P2RX6: variants seen among roughly 807,000 people sequenced by gnomAD.
P2RX6 encodes P2X purinoceptor 6.
A neutral mutation model predicts 54.2 loss-of-function variants in P2RX6; 62 were observed. That is an observed-to-expected ratio of 1.14 (90% CI 0.93 to 1.41). The LOEUF (loss-of-function observed/expected upper bound fraction) is 1.41, where lower values mean the gene tolerates loss of function less well. Among genes scored for constraint, P2RX6 ranks in the 40% most tolerant of loss-of-function variants. P2RX6 has a pLI of 0.00. For synonymous variants in P2RX6, 211 were observed against 231.9 expected (o/e 0.91, Z 0.82); for missense variants, 541 against 566.3 (o/e 0.96, Z 0.45).
chr22:21,022,707 T>C lies in P2RX6; in HGVS notation c.419T>C (p.Val140Ala). 2 of 1,576,460 alleles carry C rather than the reference T, an allele frequency of 1.3e-6. No homozygotes were observed. Among genetic ancestry groups the C allele is most frequent in the Non-Finnish European group, 8.6e-7 (1 of 1,162,522 alleles). Residue 140 changes from valine to alanine, a missense_variant, in exon 4 of 12, where the codon GTC becomes GCC. Physicochemically the swap from Val to Ala is moderately conservative, Grantham distance 64. Transcript: ENST00000413302. ...HPSVPLANCWVDEDCPEGEGG... is the reference protein window; with the variant it reads ...HPSVPLANCWADEDCPEGEGG... ...TCCGTCCCACTGGCTAACTGCTGGG[T>C]CGACGAGGACTGCCCCGAAGGGGAG... is the stretch of plus-strand genomic sequence containing the variant.
chr22:21,020,885 C>A (rs1352341872), intron 3 of P2RX6, among the ~76,000 whole-genome samples: 2 of 151,618 alleles, frequency 1.3e-5, no homozygotes, highest in Non-Finnish European at 1.5e-5. Flanking sequence ...CCAGGCCAAG[C>A]AGAATCTTAA....
At position 21,026,688 on chromosome 22, in the gene P2RX6, C is replaced by G; in HGVS notation, c.*71C>G. 6.6e-7 allele frequency: 1 copy of G among 1,511,602 alleles called. No individual in the cohort carries two copies. The highest frequency in any genetic ancestry group is 8.9e-7 in the Non-Finnish European group (1 of 1,125,414). The allele number at this position is 1,511,602 out of a possible 1,614,324, so 93.6% of individuals were successfully genotyped here. On this transcript the variant is annotated 3_prime_UTR_variant, in exon 12 of 12. Coordinates refer to ENST00000413302, the MANE Select transcript of P2RX6 (RefSeq NM_005446.5). The surrounding 1 kb of genome is among the most constrained non-coding windows in gnomAD (Gnocchi z 4.0). ...CTGCCTGGGGATCTCAAGGATGAGG[C>G]CCCAGCATGGAGGATTGGGGGTAGA...
intron 5 of P2RX6, 39 bp from the exon 6 acceptor site, chr22:21,023,079 C>G (rs750155208): frequency 3.1e-6 from 5 of 1,612,406 alleles, no homozygotes; most frequent in Non-Finnish European, 4.2e-6. Flanking sequence ...CGCAGGGCCC[C>G]AGGCCTGGCA....
chr22:21,017,721 C>T (rs1926636860), intron 2 of P2RX6, among the ~76,000 whole-genome samples: 1 of 152,098 alleles, frequency 6.6e-6, no homozygotes, highest in Middle Eastern at 3.4e-3. Context: ...TCTCTAAATA[C>T]ACACATACAC....
At chr22:21,011,613 A>G (rs442056), upstream of P2RX6, 11 of 712,238 alleles carry the variant, frequency 1.5e-5, no homozygotes, top group Admixed American at 1.0e-4. Flanking sequence ...GCCACTCCTC[A>G]GCCAGTGGGA....
At position 21,016,091 on chromosome 22, in the gene P2RX6, A is replaced by T. The variant is rs146908572; in HGVS notation, c.314A>T (p.Gln105Leu). 1.1e-4 allele frequency: 172 copies of T among 1,561,454 alleles called. No homozygotes were observed. The highest frequency in any genetic ancestry group is 2.3e-4 in the Middle Eastern group (1 of 4,380). The part of the protein sequence containing the change: ...WDVADFVKPP[Q>L]GENVFFLVTN... Reference sequence around the variant, plus strand: ...GTGGCCGACTTCGTGAAGCCACCTCAGGTGGGGGCCCTGATGTTGCTGACG... The same window carrying T: ...GTGGCCGACTTCGTGAAGCCACCTCTGGTGGGGGCCCTGATGTTGCTGACG... The change falls in exon 2 of 12, where the codon CAG becomes CTG. Residue 105 changes from glutamine to leucine, a missense_variant and splice_region_variant. By Grantham distance (113) the Gln-to-Leu change is moderately radical. Coordinates refer to ENST00000413302, the MANE Select transcript of P2RX6 (RefSeq NM_005446.5).
rs774105888 is a variant in P2RX6 at position 21,026,113 on chromosome 22, T to C, written c.1050+37T>C. 10 of 1,583,984 alleles carry C rather than the reference T, an allele frequency of 6.3e-6. No individual in the cohort carries two copies. The South Asian group carries it at 1.1e-4, about 18-fold the overall frequency. On this transcript the variant is annotated intron_variant, in intron 10 of 11. Coordinates refer to ENST00000413302, the MANE Select transcript of P2RX6 (RefSeq NM_005446.5). The surrounding 1 kb of genome is among the most constrained non-coding windows in gnomAD (Gnocchi z 4.0). Reference sequence around the variant, plus strand: ...CACTGTGGGCACCTGCAGGCTGCAGTGAGTGCTGCTGACCAGGGTGTGTCC... The same window carrying C: ...CACTGTGGGCACCTGCAGGCTGCAGCGAGTGCTGCTGACCAGGGTGTGTCC...
intron 3 of P2RX6, among the ~76,000 whole-genome samples, chr22:21,021,239 A>G (rs1767948933): frequency 6.6e-6 from 1 of 152,084 alleles, no homozygotes; most frequent in African/African-American, 2.4e-5. Flanking sequence ...GGACTCTCAA[A>G]GTGCTAGGAT....
At chr22:21,016,905 ACC>A (rs1201640759) in intron 2 of P2RX6, among the ~76,000 whole-genome samples, 3 of 152,004 alleles carry the variant, frequency 2.0e-5, no homozygotes, top group African/African-American at 7.3e-5. Flanking sequence ...CTAGGTGCAC[ACC>A]CACATGTCCA....
At chr22:21,023,462 G>C in intron 7 of P2RX6, 46 bp downstream of exon 7, 1 of 1,613,704 alleles carries the variant, frequency 6.2e-7, no homozygotes, top group Non-Finnish European at 8.5e-7. Flanking sequence ...CTCTGGGAGA[G>C]GGTCCCGGGC....
upstream of P2RX6, chr22:21,010,279 C>T (rs1331546596): frequency 6.6e-6 from 1 of 152,350 alleles, no homozygotes; most frequent in Admixed American, 6.5e-5. Flanking sequence ...TCCATCCCGG[C>T]TGCCTCTCTG....
intron 1 of P2RX6, 53 bp from the exon 2 acceptor site, chr22:21,015,889 C>G: frequency 6.5e-7 from 1 of 1,532,332 alleles, no homozygotes; most frequent in Non-Finnish European, 8.8e-7. Context: ...TCAGCTCCGC[C>G]CCTGTCACTA....
rs529966972 is a variant in P2RX6 at position 21,023,295 on chromosome 22, G to A, written c.659G>A (p.Trp220Ter). ...NFSKSNALETWDPTYFKHCRY... is the reference protein window; with the variant it reads ...NFSKSNALET ...CCCAGGTCCAATGCCTTGGAGACCT[G>A]GGACCCCACCTATTTTAAGCACTGC... The change falls in exon 7 of 12, where the codon TGG (tryptophan) becomes TAG (stop). Residue 220 changes from tryptophan (W) to a stop codon, truncating the protein, a stop_gained. Coordinates refer to ENST00000413302, the MANE Select transcript of P2RX6 (RefSeq NM_005446.5). LOFTEE classifies it high-confidence loss of function. 2.1e-5 allele frequency: 34 copies of A among 1,613,892 alleles called. No homozygotes were observed. Among genetic ancestry groups the A allele is most frequent in the East Asian group, 4.5e-5 (2 of 44,858 alleles).
chr22:21,023,474 C>A (rs768197418), intron 7 of P2RX6, 35 bp from the exon 8 acceptor site: 1 of 1,613,586 alleles, frequency 6.2e-7, no homozygotes, highest in Non-Finnish European at 8.5e-7. Context: ...GTCCCGGGCC[C>A]ACCCACCGGT....
At chr22:21,025,318 A>T (rs982391809) in intron 8 of P2RX6, among the ~76,000 whole-genome samples, 2 of 151,974 alleles carry the variant, frequency 1.3e-5, no homozygotes, top group Non-Finnish European at 2.9e-5. Context: ...ATGCCCCTCA[A>T]CATAGCTCAC....
rs1928562076 is a variant in P2RX6 at position 21,026,943 on chromosome 22, G to T, written c.*326G>T. On this transcript the variant is annotated 3_prime_UTR_variant, in exon 12 of 12. Coordinates refer to ENST00000413302, the MANE Select transcript of P2RX6 (RefSeq NM_005446.5). The surrounding 1 kb of genome is among the most constrained non-coding windows in gnomAD (Gnocchi z 4.0). ...TCTCTCTCCCAGTGCTCTGTCCCCA[G>T]TGTTCCTAGCAGAGGTATGCTTACC... 2 of 407,552 alleles carry T rather than the reference G, an allele frequency of 4.9e-6. No individual in the cohort carries two copies. Among genetic ancestry groups the T allele is most frequent in the Non-Finnish European group, 9.0e-6 (2 of 222,994 alleles). The allele number at this position is 407,552 out of a possible 1,614,324, so 25.2% of individuals were successfully genotyped here. A position where few individuals can be genotyped will look rare whatever the true frequency, so the allele number is the denominator to read the frequency against.
upstream of P2RX6, chr22:21,015,122 C>T (rs1926101068): frequency 2.5e-6 from 3 of 1,190,630 alleles, no homozygotes; most frequent in South Asian, 1.7e-5. Flanking sequence ...TGGCCTGGCT[C>T]GGGCCCTGCT....
Position 21,026,532 on chromosome 22 carries a change from C to T in P2RX6, c.1241C>T (p.Thr414Ile). ...RRSSAPAPTA[T>I]AAGSQTQTPG... ...AGCTCAGCACCTGCACCCACGGCCA[C>T]TGCTGCTGGGAGTCAGACACAGACA... Residue 414 changes from threonine to isoleucine, a missense_variant, in exon 12 of 12, where the codon ACT (threonine) becomes ATT (isoleucine). By Grantham distance (89) the Thr-to-Ile change is moderately conservative. This residue lies in a region of P2RX6 where 526 missense variants were observed against 531.5 expected (regional missense o/e 0.99). Coordinates refer to ENST00000413302, the MANE Select transcript of P2RX6 (RefSeq NM_005446.5). This position sits in a 1 kb window ranked among gnomAD's most constrained non-coding sequence, Gnocchi z 4.0. The T allele has an allele frequency of 6.3e-7, 1 of 1,591,086 alleles. No individual in the cohort carries two copies. The highest frequency in any genetic ancestry group is 8.6e-7 in the Non-Finnish European group (1 of 1,169,572).
chr22:21,011,702 T>C, upstream of P2RX6: 1 of 633,216 alleles, frequency 1.6e-6, no homozygotes, highest in East Asian at 2.8e-5. Context: ...GGAAAAGGAC[T>C]TACAGGTTAA....
Sources: gnomAD v4.1 joint callset for allele counts (sites outside exome capture counted in the v4.1 genomes callset) on GRCh38, gnomAD v4.1.1 for gene constraint, gnomAD v4.1.1 regional missense constraint, Gnocchi (gnomAD v3.1) non-coding constraint, MANE v1.5 for transcripts, NCBI Gene and HGNC (gene_info 2026-07-23, HGNC 2026-07-21) for gene names.